The following NECTIN1 variants were observed in gnomAD, a reference collection of about 807,000 sequenced individuals.
NECTIN1 encodes the protein nectin-1.
A neutral mutation model predicts 48.0 loss-of-function variants in NECTIN1; 23 were observed. The ratio of observed to expected loss-of-function variants is 0.48; its 90% CI spans 0.34 to 0.68. The LOEUF (loss-of-function observed/expected upper bound fraction) is 0.68, where lower values mean the gene tolerates loss of function less well. Ranked by LOEUF, NECTIN1 falls within the 30% of genes least tolerant of loss-of-function variation. The probability of loss-of-function intolerance (pLI) is 0.01; values close to 1 mark genes in which losing one functional copy is unlikely to be tolerated. For missense variants in NECTIN1, 591 were observed against 709.9 expected (o/e 0.83, Z 1.90); for synonymous variants, 270 against 288.9 (o/e 0.93, Z 0.66).
At chr11:119,706,778 C>T in intron 1 of NECTIN1, among the ~76,000 whole-genome samples, 1 of 152,206 alleles carries the variant, frequency 6.6e-6, no homozygotes, top group African/African-American at 2.4e-5. Context: ...AGAATAAATG[C>T]TGGAACAGCC....
chr11:119,662,506 G>A lies in NECTIN1; in HGVS notation c.*2241C>T. The A allele has an allele frequency of 1.0e-6, 1 of 985,882 alleles. No individual in the cohort carries two copies. The highest frequency in any genetic ancestry group is 1.2e-6 in the Non-Finnish European group (1 of 830,038). The allele number at this position is 985,882 out of a possible 1,614,324, so 61.1% of individuals were successfully genotyped here. A position where few individuals can be genotyped will look rare whatever the true frequency, so the allele number is the denominator to read the frequency against. ...TCTTAAGGGGGAACTCAGTGCTTTG[G>A]CTGGGCTTGGGGCCTTCAAAGTCCA... is the stretch of plus-strand genomic sequence containing the variant. On this transcript the variant is annotated 3_prime_UTR_variant, in exon 6 of 6. Coordinates refer to ENST00000264025, the MANE Select transcript of NECTIN1 (RefSeq NM_002855.5). This position sits in a 1 kb window ranked among gnomAD's most constrained non-coding sequence, Gnocchi z 5.3.
At chr11:119,704,033 T>C (rs891781100) in intron 1 of NECTIN1, among the ~76,000 whole-genome samples, 1 of 152,174 alleles carries the variant, frequency 6.6e-6, no homozygotes, top group African/African-American at 2.4e-5. Flanking sequence ...TGGTTCCTCC[T>C]GGCAAATCTC....
intron 1 of NECTIN1, among the ~76,000 whole-genome samples, chr11:119,703,040 A>G (rs1488493344): frequency 1.3e-5 from 2 of 152,208 alleles, no homozygotes; most frequent in Non-Finnish European, 2.9e-5. Flanking sequence ...GGCCCCCACC[A>G]GCCTGTGAGC....
Position 119,678,940 on chromosome 11 carries a change from G to A in NECTIN1, c.80-175C>T, listed in dbSNP as rs1433338565. Among the ~76,000 whole-genome samples the A allele has an allele frequency of 1.3e-5, 2 of 152,152 alleles. No homozygotes were observed. Among genetic ancestry groups the A allele is most frequent in the Admixed American group, 6.5e-5 (1 of 15,278 alleles). ...TCTAGGCAACACTGAAAAATCATGAGAAGAAAGTGACAACATCCCATGATC... is the reference window on the plus strand; with the variant it reads ...TCTAGGCAACACTGAAAAATCATGAAAAGAAAGTGACAACATCCCATGATC... On this transcript the variant is annotated intron_variant, in intron 1 of 5. Coordinates refer to ENST00000264025, the MANE Select transcript of NECTIN1 (RefSeq NM_002855.5). This position sits in a 1 kb window ranked among gnomAD's most constrained non-coding sequence, Gnocchi z 4.4.
intron 1 of NECTIN1, among the ~76,000 whole-genome samples, chr11:119,699,081 A>G (rs556567493): frequency 2.4e-4 from 37 of 152,204 alleles, no homozygotes; most frequent in South Asian, 2.1e-4. Context: ...CTGGAGTCCT[A>G]TGTTTTTCAG....
At chr11:119,695,734 T>G (rs936010575) in intron 1 of NECTIN1, among the ~76,000 whole-genome samples, 3 of 152,208 alleles carry the variant, frequency 2.0e-5, no homozygotes, top group Non-Finnish European at 4.4e-5. Flanking sequence ...AGAGAAAGGC[T>G]GATGGGCTGC....
In NECTIN1 at chr11:119,681,188, T is replaced by C. The variant is rs148998824; in HGVS notation, c.80-2423A>G. On this transcript the variant is annotated intron_variant, in intron 1 of 5. Transcript: ENST00000264025. ...CCCTAGGCCCTCTCCAGCAGGATAA[T>C]TGGGTGCTCCCCACCCCTCCCCCAG... 2.1e-3 allele frequency among the ~76,000 whole-genome samples: 321 copies of C among 152,300 alleles called. 1 individual carries two copies. Among genetic ancestry groups the C allele is most frequent in the African/African-American group, 7.3e-3 (304 of 41,564 alleles).
rs1233318977 is a variant in NECTIN1 at position 119,639,721 on chromosome 11, G to A, written c.1151+144C>T. 2.8e-6 allele frequency: 3 copies of A among 1,073,700 alleles called. No homozygotes were observed. The East Asian group carries it at 7.6e-5, about 27-fold the overall frequency. 66.5% of individuals were successfully genotyped at this position (1,073,700 alleles called of 1,614,324 possible). A position where few individuals can be genotyped will look rare whatever the true frequency, so the allele number is the denominator to read the frequency against. ...AGGAGGGTCAGCTCTTCCTGCCAAA[G>A]GGTTAGTTCCTGGTCCCCCAGGGTG... On this transcript the variant is annotated intron_variant, in intron 6 of 7. Coordinates refer to the NECTIN1 transcript ENST00000341398.
At position 119,661,180 on chromosome 11, in the gene NECTIN1, C is replaced by A; in HGVS notation, c.*3567G>T. ...GCGACAAGACGCCGAAGCAAGGTAG[C>A]GCATCACGCTGGGAGGGGAGGGTGG... On this transcript the variant is annotated 3_prime_UTR_variant, in exon 6 of 6. Transcript: ENST00000264025. The A allele has an allele frequency of 1.0e-6, 1 of 985,708 alleles. No homozygotes were observed. The highest frequency in any genetic ancestry group is 1.1e-4 in the East Asian group (1 of 8,828). 61.1% of individuals were successfully genotyped at this position (985,708 alleles called of 1,614,324 possible). A position where few individuals can be genotyped will look rare whatever the true frequency, so the allele number is the denominator to read the frequency against.
rs536772153 is a variant in NECTIN1, at chr11:119,727,440, T to C, written c.79+1035A>G. On this transcript the variant is annotated intron_variant, in intron 1 of 5. Coordinates refer to ENST00000264025, the MANE Select transcript of NECTIN1 (RefSeq NM_002855.5). This position sits in a 1 kb window ranked among gnomAD's most constrained non-coding sequence, Gnocchi z 4.1. ...AGAGCTGCAGGTCGTCTCTGGTTTC[T>C]ACCCAGAGAGCTGGAGGAACTCCCC... Among the ~76,000 whole-genome samples the C allele has an allele frequency of 2.0e-5, 3 of 152,256 alleles. No individual in the cohort carries two copies. The highest frequency in any genetic ancestry group is 6.5e-5 in the Admixed American group (1 of 15,298).
intron 5 of NECTIN1, among the ~76,000 whole-genome samples, chr11:119,652,055 G>T (rs1223333460): frequency 6.6e-6 from 1 of 152,088 alleles, no homozygotes; most frequent in East Asian, 1.9e-4. Flanking sequence ...CCTCCCGCCG[G>T]CTGCCATCCA....
intron 1 of NECTIN1, among the ~76,000 whole-genome samples, chr11:119,682,532 C>T (rs1160129120): frequency 1.3e-5 from 2 of 152,196 alleles, no homozygotes; most frequent in Admixed American, 1.3e-4. Context: ...TAGGGGGTTG[C>T]ATTCCACCTC....
Position 119,728,481 on chromosome 11 carries a change from G to A in NECTIN1, c.73C>T (p.Leu25Phe), listed in dbSNP as rs1865955216. ...GLALGLTAFF[L>F]PGVHSQVVQV... ...CAGAGGTGAGCGCTCTTACCTGGGA[G>A]GAAGAATGCGGTCAAGCCGAGAGCG... Residue 25 changes from leucine to phenylalanine, a missense_variant, in exon 1 of 6, where the codon CTC (leucine) becomes TTC (phenylalanine). Coordinates refer to ENST00000264025, the MANE Select transcript of NECTIN1 (RefSeq NM_002855.5). The A allele has an allele frequency of 1.2e-6, 2 of 1,602,462 alleles. No individual in the cohort carries two copies. The highest frequency in any genetic ancestry group is 1.7e-5 in the Admixed American group (1 of 58,850).
chr11:119,682,502 G>A (rs1169083282), intron 1 of NECTIN1, among the ~76,000 whole-genome samples: 2 of 152,146 alleles, frequency 1.3e-5, no homozygotes, highest in Non-Finnish European at 2.9e-5. Context: ...AGCATGGCGG[G>A]GCTGTTAGGA....
At chr11:119,666,897 G>A (rs1007666862) in intron 5 of NECTIN1, among the ~76,000 whole-genome samples, 1 of 152,104 alleles carries the variant, frequency 6.6e-6, no homozygotes, top group Non-Finnish European at 1.5e-5. Flanking sequence ...AAGGGCTGAC[G>A]AAAACACAGG....
chr11:119,674,839 C>T (rs1199132207), intron 5 of NECTIN1, among the ~76,000 whole-genome samples: 9 of 152,198 alleles, frequency 5.9e-5, no homozygotes, highest in Admixed American at 5.2e-4. Flanking sequence ...CAGCATCCCA[C>T]AGCGTGTTCT....
At chr11:119,702,679 T>C (rs10892434) in intron 1 of NECTIN1, among the ~76,000 whole-genome samples, 93,264 of 152,072 alleles carry the variant, frequency 0.61, 28,933 homozygotes, top group South Asian at 0.67. Context: ...TGTGACTTTT[T>C]TTTCTCGTCT....
chr11:119,643,599 A>AG (rs894910327), intron 5 of NECTIN1, among the ~76,000 whole-genome samples: 3 of 152,056 alleles, frequency 2.0e-5, no homozygotes, highest in African/African-American at 7.2e-5. Flanking sequence ...CTCCCTGAAT[A>AG]GGGGGGCCCT....
At chr11:119,698,438 G>C (rs1865380657) in intron 1 of NECTIN1, among the ~76,000 whole-genome samples, 1 of 152,240 alleles carries the variant, frequency 6.6e-6, no homozygotes, top group South Asian at 2.1e-4. Flanking sequence ...CTGAGTAGTG[G>C]AGAAGTTCTT....
Sources: allele counts gnomAD v4.1 joint callset (sites outside exome capture counted in the v4.1 genomes callset), GRCh38; gene constraint gnomAD v4.1.1; non-coding constraint Gnocchi (gnomAD v3.1); transcripts MANE v1.5; gene names NCBI Gene and HGNC (gene_info 2026-07-23, HGNC 2026-07-21).